AXDND1: variants seen among roughly 807,000 people sequenced by gnomAD.
AXDND1 encodes axonemal dynein light chain domain-containing protein 1.
Under a neutral mutation model 137.5 loss-of-function variants are expected in AXDND1, and 110 were observed. The observed-to-expected ratio is 0.80, with a 90% confidence interval of 0.69 to 0.94. AXDND1 has a LOEUF of 0.94. Among genes scored for constraint, AXDND1 ranks in the 40% least tolerant of loss-of-function variants. The pLI is 0.00. For synonymous variants in AXDND1, 414 were observed against 399.7 expected (o/e 1.04, Z -0.43); for missense variants, 1,191 against 1,169.8 (o/e 1.02, Z -0.26).
intron 12 of AXDND1, among the ~76,000 whole-genome samples, chr1:179,417,978 AT>A (rs1654956231): frequency 6.8e-6 from 1 of 148,070 alleles, no homozygotes; most frequent in African/African-American, 2.5e-5. Flanking sequence ...TTATTTATTT[AT>A]TTTTATTTTA....
chr1:179,454,562 A>G (rs1337923075), intron 16 of AXDND1: 3 of 152,284 alleles, frequency 2.0e-5, no homozygotes, highest in Non-Finnish European at 4.4e-5. Context: ...GATTTAAAAA[A>G]TGTAGGCTAC....
intron 4 of AXDND1, among the ~76,000 whole-genome samples, chr1:179,373,715 A>T (rs2125055781): frequency 6.6e-6 from 1 of 152,330 alleles, no homozygotes; most frequent in East Asian, 1.9e-4. Flanking sequence ...TGACAAAAAC[A>T]AGCAATGGAG....
At chr1:179,373,334 A>G (rs1668231108) in intron 4 of AXDND1, among the ~76,000 whole-genome samples, 1 of 152,218 alleles carries the variant, frequency 6.6e-6, no homozygotes, top group African/African-American at 2.4e-5. Flanking sequence ...AGAGAACACA[A>G]ACAAATGGAA....
chr1:179,398,363 G>C (rs145346796), intron 11 of AXDND1, among the ~76,000 whole-genome samples: 2 of 152,084 alleles, frequency 1.3e-5, no homozygotes, highest in South Asian at 2.1e-4. Flanking sequence ...CCACTGCACT[G>C]GGGGGAGCTG....
chr1:179,373,529 A>C lies in AXDND1; in HGVS notation c.374+3451A>C, dbSNP rs372190266. ...AGCCCACAGAGCCAAGACAAGCCTA[A>C]GCAAAAAGAACAAAGCTGGAGGCAT... is the stretch of plus-strand genomic sequence containing the variant. On this transcript the variant is annotated intron_variant, in intron 4 of 25. Transcript: ENST00000367618. Among the ~76,000 whole-genome samples the C allele has an allele frequency of 1.2e-4, 18 of 152,328 alleles. No homozygotes were observed. In the East Asian group the frequency reaches 3.1e-3, roughly 26 times the overall value.
chr1:179,405,663 TG>T (rs1652847245), intron 11 of AXDND1, among the ~76,000 whole-genome samples: 1 of 152,170 alleles, frequency 6.6e-6, no homozygotes, highest in Non-Finnish European at 1.5e-5. Flanking sequence ...AATTTGTTAG[TG>T]GATTGTTGTT....
Position 179,533,410 on chromosome 1 carries a change from A to C in AXDND1, c.2716-385A>C, listed in dbSNP as rs1180593485. 5.3e-5 allele frequency among the ~76,000 whole-genome samples: 8 copies of C among 152,338 alleles called. No individual in the cohort carries two copies. The Middle Eastern group carries it at 0.01, about 194-fold the overall frequency. On this transcript the variant is annotated intron_variant, in intron 23 of 25. Coordinates refer to ENST00000367618, the MANE Select transcript of AXDND1 (RefSeq NM_144696.6). ...ATTCTTAGTGAAGTAAATTATTAGT[A>C]AGACAGATATACAAGTTAGCTTCCT...
At chr1:179,473,446 C>T (rs574051683) in intron 17 of AXDND1, among the ~76,000 whole-genome samples, 18 of 152,024 alleles carry the variant, frequency 1.2e-4, no homozygotes, top group South Asian at 8.3e-4. Flanking sequence ...TGCAGTGAGC[C>T]GAGATCGCGC....
At position 179,492,877 on chromosome 1, in the gene AXDND1, G is replaced by A; in HGVS notation, c.2314G>A (p.Ala772Thr). Residue 772 changes from alanine to threonine, a missense_variant, in exon 20 of 26, where the codon GCA becomes ACA. Coordinates refer to ENST00000367618, the MANE Select transcript of AXDND1 (RefSeq NM_144696.6). ...LSSCCKGMVT[A>T]MALSKSTNSH... ...CAGTTGTTGCAAAGGGATGGTAACA[G>A]CAATGGCTCTGAGTAAATCCACTAA... is the stretch of plus-strand genomic sequence containing the variant. 1 of 1,607,290 alleles carries A rather than the reference G, an allele frequency of 6.2e-7. No individual in the cohort carries two copies. The highest frequency in any genetic ancestry group is 1.1e-5 in the South Asian group (1 of 89,398).
chr1:179,467,833 T>G (rs1663409178), intron 16 of AXDND1, among the ~76,000 whole-genome samples: 1 of 152,188 alleles, frequency 6.6e-6, no homozygotes, highest in African/African-American at 2.4e-5. Flanking sequence ...TTACTTGTCT[T>G]TATATAACTT....
intron 15 of AXDND1, among the ~76,000 whole-genome samples, chr1:179,439,203 G>A (rs1275619663): frequency 1.3e-5 from 2 of 152,290 alleles, no homozygotes; most frequent in East Asian, 3.9e-4. Context: ...CTATTGAATG[G>A]AATCTATTCT....
At chr1:179,535,379 C>T (rs897251254) in intron 25 of AXDND1, among the ~76,000 whole-genome samples, 3 of 152,068 alleles carry the variant, frequency 2.0e-5, no homozygotes, top group East Asian at 1.9e-4. Context: ...CCTCAGCCCC[C>T]GACCCCCTGA....
At chr1:179,414,933 C>A (rs192332130) in intron 12 of AXDND1, among the ~76,000 whole-genome samples, 267 of 151,178 alleles carry the variant, frequency 1.8e-3, no homozygotes, top group African/African-American at 6.4e-3. Context: ...AAATGTGTTA[C>A]TTGGTTAGAA....
intron 12 of AXDND1, among the ~76,000 whole-genome samples, chr1:179,418,808 T>G (rs1250968492): frequency 6.7e-6 from 1 of 150,116 alleles, no homozygotes; most frequent in Non-Finnish European, 1.5e-5. Context: ...GAGGGGCTCC[T>G]CACTTCTCAG....
chr1:179,425,035 T>C (rs993399364), intron 12 of AXDND1, among the ~76,000 whole-genome samples: 1 of 152,232 alleles, frequency 6.6e-6, no homozygotes, highest in African/African-American at 2.4e-5. Flanking sequence ...AGTCACTCAC[T>C]TGTTCCTTGC....
chr1:179,455,274 CAAAAAAAAAAAAAAAAAAAGTAAAAAA>C (rs1306876839), intron 16 of AXDND1: 3 of 49,654 alleles, frequency 6.0e-5, no homozygotes, highest in Non-Finnish European at 1.2e-4. Context: ...GACTCTGTTT[CAAAAAAAAAAAAAAAAAAAGTAAAAAA>C]AAAAAAAGAG....
intron 25 of AXDND1, among the ~76,000 whole-genome samples, chr1:179,539,834 C>T (rs1454632529): frequency 2.6e-5 from 4 of 152,102 alleles, no homozygotes; most frequent in East Asian, 1.9e-4. Context: ...GCCAATCAAA[C>T]GTAGATTCGG....
Position 179,541,495 on chromosome 1 carries a change from T to A in AXDND1, c.3031+6533T>A, listed in dbSNP as rs973188404. Among the ~76,000 whole-genome samples, 82 of 151,746 alleles carry A rather than the reference T, an allele frequency of 5.4e-4. No individual in the cohort carries two copies. In the East Asian group the frequency reaches 0.013, roughly 24 times the overall value. ...TCCGTTTTTGTTTTTTTTTTTTTTT[T>A]AATAAAAGAACACAATGCTGATTAG... On this transcript the variant is annotated intron_variant, in intron 25 of 25. Transcript: ENST00000367618.
At chr1:179,493,203 A>ACTAT (rs58407177) in intron 20 of AXDND1, among the ~76,000 whole-genome samples, 76,274 of 144,950 alleles carry the variant, frequency 0.53, 19,505 homozygotes, top group East Asian at 0.76. Context: ...TGTCTGATCT[A>ACTAT]CTAACACCAA....
Sources: gnomAD v4.1 joint callset for allele counts (sites outside exome capture counted in the v4.1 genomes callset) on GRCh38, gnomAD v4.1.1 for gene constraint, MANE v1.5 for transcripts, NCBI Gene and HGNC (gene_info 2026-07-23, HGNC 2026-07-21) for gene names.